The following PDE10A variants were observed in gnomAD, a reference collection of about 807,000 sequenced individuals.
PDE10A encodes cAMP and cAMP-inhibited cGMP 3',5'-cyclic phosphodiesterase 10A.
Under a neutral mutation model 97.7 loss-of-function variants are expected in PDE10A, and 39 were observed. The ratio of observed to expected loss-of-function variants is 0.40; its 90% CI spans 0.31 to 0.52. The LOEUF (loss-of-function observed/expected upper bound fraction) is 0.52. PDE10A is among the 20% of genes least tolerant of loss of function. The pLI is 0.56. For missense variants in PDE10A, 731 were observed against 1,047.8 expected (o/e 0.70, Z 4.17); for synonymous variants, 371 against 376.8 (o/e 0.98, Z 0.18).
chr6:165,863,189 G>C (rs562722014), intron 1 of PDE10A, among the ~76,000 whole-genome samples: 32 of 152,318 alleles, frequency 2.1e-4, no homozygotes, highest in African/African-American at 7.5e-4. Flanking sequence ...CCTTGCTCCA[G>C]GTGGTCTAGG....
At chr6:165,862,039 T>G (rs1028509558) in intron 1 of PDE10A, among the ~76,000 whole-genome samples, 1 of 152,212 alleles carries the variant, frequency 6.6e-6, no homozygotes, top group East Asian at 1.9e-4. Flanking sequence ...TGAGTCTCCT[T>G]CCAGCAGCCA....
At chr6:165,829,130 C>T (rs1454779708) in intron 1 of PDE10A, among the ~76,000 whole-genome samples, 3 of 152,206 alleles carry the variant, frequency 2.0e-5, no homozygotes, top group Non-Finnish European at 4.4e-5. Flanking sequence ...TCCCAGGCTG[C>T]TGGGGTGCTC....
intron 1 of PDE10A, chr6:165,949,132 T>C (rs1220819255): frequency 6.6e-6 from 1 of 152,248 alleles, no homozygotes; most frequent in Non-Finnish European, 1.5e-5. Flanking sequence ...AGAAAAATGT[T>C]ATCTTTTCTT....
intron 1 of PDE10A, among the ~76,000 whole-genome samples, chr6:165,755,385 A>G (rs1039343565): frequency 6.6e-6 from 1 of 152,234 alleles, no homozygotes; most frequent in Non-Finnish European, 1.5e-5. Flanking sequence ...TTTGTAAAAT[A>G]AACAGTTGCC....
In PDE10A at chr6:165,726,217, C is replaced by T. The variant is rs1432536188; in HGVS notation, c.-614-182649G>A. Among the ~76,000 whole-genome samples the T allele has an allele frequency of 2.6e-5, 4 of 152,096 alleles. No homozygotes were observed. In the South Asian group the frequency reaches 6.2e-4, roughly 24 times the overall value. ...ACCAGAACGTTGTTTTGTGCAACAA[C>T]GTCCCAGCTCTTGGAGGAAACAAGG... On this transcript the variant is annotated intron_variant, in intron 1 of 19. Transcript: ENST00000366882.
intron 1 of PDE10A, among the ~76,000 whole-genome samples, chr6:165,640,755 T>C (rs893548502): frequency 6.6e-6 from 1 of 152,250 alleles, no homozygotes; most frequent in East Asian, 1.9e-4. Flanking sequence ...ACACAGATTA[T>C]GTAAACAGTA....
intron 1 of PDE10A, among the ~76,000 whole-genome samples, chr6:165,959,958 A>C (rs1784308261): frequency 6.6e-6 from 1 of 152,178 alleles, no homozygotes; most frequent in Non-Finnish European, 1.5e-5. Context: ...CTTTATCTAC[A>C]GTTAGCTGCA....
At chr6:165,884,094 G>A (rs940032940) in intron 1 of PDE10A, among the ~76,000 whole-genome samples, 3 of 152,144 alleles carry the variant, frequency 2.0e-5, no homozygotes, top group Non-Finnish European at 1.5e-5. Flanking sequence ...CAGAGAAGGA[G>A]GGAGGCGTGT....
At position 165,943,346 on chromosome 6, in the gene PDE10A, G is replaced by GAAAGAAAGAAAGAAAAAGAAAGAAAGAA. The variant is rs369730730; in HGVS notation, c.-615+44182_-615+44183insTTCTTTCTTTCTTTTTCTTTCTTTCTTT. Among the ~76,000 whole-genome samples, 77 of 79,570 alleles carry GAAAGAAAGAAAGAAAAAGAAAGAAAGAA rather than the reference G, an allele frequency of 9.7e-4. 5 individuals are homozygous for GAAAGAAAGAAAGAAAAAGAAAGAAAGAA. The highest frequency in any genetic ancestry group is 4.0e-3 in the African/African-American group (73 of 18,154). 52.2% of individuals were successfully genotyped at this position (79,570 alleles called of 152,430 possible). The stretch of plus-strand genomic sequence containing the variant: ...AAGAAAGAAAAAGAAAGAAAGAAAA[G>GAAAGAAAGAAAGAAAAAGAAAGAAAGAA]AGAAAGAAAGAAAGAGAAAGAAAGA... On this transcript the variant is annotated intron_variant, in intron 1 of 19. Transcript: ENST00000366882.
chr6:165,755,850 A>G (rs1272165265), intron 1 of PDE10A, among the ~76,000 whole-genome samples: 1 of 152,180 alleles, frequency 6.6e-6, no homozygotes, highest in Non-Finnish European at 1.5e-5. Context: ...AAGAAAGCAC[A>G]AGAGAAGTAG....
intron 17 of PDE10A, among the ~76,000 whole-genome samples, chr6:165,380,578 C>T (rs1319410960): frequency 6.6e-6 from 1 of 152,180 alleles, no homozygotes; most frequent in Non-Finnish European, 1.5e-5. Flanking sequence ...GTAGAAAGTT[C>T]TACAGCTTAC....
At chr6:165,555,230 A>T (rs1784194579) in intron 1 of PDE10A, among the ~76,000 whole-genome samples, 1 of 152,158 alleles carries the variant, frequency 6.6e-6, no homozygotes, top group Non-Finnish European at 1.5e-5. Context: ...ATTCTCCATG[A>T]TGTGCTTCTT....
At chr6:165,897,079 A>G (rs1781972335) in intron 1 of PDE10A, among the ~76,000 whole-genome samples, 1 of 152,228 alleles carries the variant, frequency 6.6e-6, no homozygotes, top group Non-Finnish European at 1.5e-5. Context: ...TTGGGCAAAA[A>G]TATGGGCAAT....
chr6:165,529,417 G>A (rs142051580), intron 2 of PDE10A, among the ~76,000 whole-genome samples: 2,621 of 152,272 alleles, frequency 0.017, 74 homozygotes, highest in African/African-American at 0.06. Context: ...AAATGGTCCA[G>A]ACCCCTCAGG....
chr6:165,813,888 G>C (rs996251146), intron 1 of PDE10A, among the ~76,000 whole-genome samples: 3 of 152,114 alleles, frequency 2.0e-5, no homozygotes, highest in Non-Finnish European at 4.4e-5. Context: ...ACTTCCCAGA[G>C]TGTATTTCTT....
intron 1 of PDE10A, among the ~76,000 whole-genome samples, chr6:165,561,497 G>T (rs1784521491): frequency 6.6e-6 from 1 of 152,104 alleles, no homozygotes; most frequent in Non-Finnish European, 1.5e-5. Flanking sequence ...TAAGCCAAAA[G>T]AATCACAAAT....
intron 1 of PDE10A, among the ~76,000 whole-genome samples, chr6:165,740,373 C>T (rs1441822067): frequency 2.6e-5 from 4 of 151,990 alleles, no homozygotes; most frequent in Non-Finnish European, 5.9e-5. Flanking sequence ...CTCTGTCACC[C>T]AGGCTGGAGT....
chr6:165,500,757 C>T (rs1780821031), intron 2 of PDE10A, among the ~76,000 whole-genome samples: 2 of 151,228 alleles, frequency 1.3e-5, no homozygotes, highest in African/African-American at 2.4e-5. Flanking sequence ...CCTGCTGGAC[C>T]CTGGGCAATA....
At chr6:165,465,094 G>A (rs753619665) in intron 3 of PDE10A, among the ~76,000 whole-genome samples, 8 of 151,946 alleles carry the variant, frequency 5.3e-5, no homozygotes, top group Non-Finnish European at 1.0e-4. Context: ...CCTTTTTTCA[G>A]TGCTTTATAT....
Sources: gnomAD v4.1 joint callset for allele counts (sites outside exome capture counted in the v4.1 genomes callset) on GRCh38, gnomAD v4.1.1 for gene constraint, MANE v1.5 for transcripts, NCBI Gene and HGNC (gene_info 2026-07-23, HGNC 2026-07-21) for gene names.